Variants in PLXNB1 observed in about 807,000 individuals in gnomAD.
PLXNB1 encodes the protein plexin B1.
A neutral mutation model predicts 209.4 loss-of-function variants in PLXNB1; 106 were observed. The ratio of observed to expected loss-of-function variants is 0.51; its 90% CI spans 0.43 to 0.59. PLXNB1 has a LOEUF of 0.59. PLXNB1 is among the 20% of genes least tolerant of loss of function. The pLI is 0.00. For synonymous variants in PLXNB1, 1,167 were observed against 1,183.2 expected (o/e 0.99, Z 0.28); for missense variants, 2,357 against 2,853.2 (o/e 0.83, Z 3.96).
At position 48,405,847 on chromosome 3, in the gene PLXNB1, G is replaced by T; in HGVS notation, c.6229-49C>A. The stretch of plus-strand genomic sequence containing the variant: ...GTGAGAGAGACGAGGGGTGCAGAGA[G>T]CCACAGGAGGCAGCCCAGGACCCCA... On this transcript the variant is annotated intron_variant, in intron 36 of 37. Coordinates refer to ENST00000296440, the MANE Select transcript of PLXNB1 (RefSeq NM_001130082.3). This position sits in a 1 kb window ranked among gnomAD's most constrained non-coding sequence, Gnocchi z 5.0. 6.7e-7 allele frequency: 1 copy of T among 1,488,540 alleles called. No homozygotes were observed. 92.2% of individuals were successfully genotyped at this position (1,488,540 alleles called of 1,614,324 possible).
At position 48,423,766 on chromosome 3, in the gene PLXNB1, G is replaced by A. The variant is rs181124903; in HGVS notation, c.846C>T (p.Ala282=). 7.4e-5 allele frequency: 120 copies of A among 1,613,956 alleles called. No individual in the cohort carries two copies. In the East Asian group the frequency reaches 2.3e-3, roughly 31 times the overall value. Residue 282 remains alanine, a synonymous_variant, in exon 3 of 38, where the codon GCC becomes GCT. Transcript: ENST00000296440. The stretch of plus-strand genomic sequence containing the variant: ...CCCCATGCGCCACCTCCCTGGACGT[G>A]GCCACAGCTGCAGCCTGGATCAGCC... ...RYGLIQAAAV[A]TSREVAHGEV...
chr3:48,409,844 C>A lies in PLXNB1; in HGVS notation c.5778+61G>T. On this transcript the variant is annotated intron_variant, in intron 32 of 37. Transcript: ENST00000296440. The surrounding 1 kb of genome is among the most constrained non-coding windows in gnomAD (Gnocchi z 5.8). ...CACGAGCCCCACACCACCCCCAAAT[C>A]CCACGAGTGGCCATGCTCCCTCTCA... 6.3e-7 allele frequency: 1 copy of A among 1,580,486 alleles called. No homozygotes were observed. The highest frequency in any genetic ancestry group is 1.1e-5 in the South Asian group (1 of 87,470).
At position 48,429,537 on chromosome 3, in the gene PLXNB1, G is replaced by T. The variant is rs2039080396; in HGVS notation, c.-60+471C>A. On this transcript the variant is annotated intron_variant, in intron 1 of 37. Transcript: ENST00000296440. The surrounding 1 kb of genome is among the most constrained non-coding windows in gnomAD (Gnocchi z 6.4). Reference sequence around the variant, plus strand: ...CGCCGCCCGGGCCAGGCCGGAAGCAGCCCGGAGAGCCGGGCGCGCGGCCCC... The same window carrying T: ...CGCCGCCCGGGCCAGGCCGGAAGCATCCCGGAGAGCCGGGCGCGCGGCCCC... The T allele has an allele frequency of 6.6e-6, 1 of 151,246 alleles. No individual in the cohort carries two copies. Among genetic ancestry groups the T allele is most frequent in the Non-Finnish European group, 1.5e-5 (1 of 67,762 alleles). 9.4% of individuals were successfully genotyped at this position (151,246 alleles called of 1,614,324 possible). A position where few individuals can be genotyped will look rare whatever the true frequency, so the allele number is the denominator to read the frequency against.
intron 1 of PLXNB1, among the ~76,000 whole-genome samples, chr3:48,427,456 C>G (rs2038953408): frequency 6.6e-6 from 1 of 152,196 alleles, no homozygotes; most frequent in Non-Finnish European, 1.5e-5. Flanking sequence ...ATCTCTGCCA[C>G]AGGCCACTGA....
In PLXNB1 at chr3:48,422,752, C is replaced by T; in HGVS notation, c.1290+13G>A. 6.2e-7 allele frequency: 1 copy of T among 1,611,198 alleles called. No homozygotes were observed. On this transcript the variant is annotated intron_variant, in intron 4 of 37. Transcript: ENST00000296440. ...GACTCTGGGGCAGGGGCCAGTACTT[C>T]CTGTGGGCTCACCCTGTGCAGCTGC...
rs891408527 is a variant in PLXNB1 at position 48,405,467 on chromosome 3, C to A, written c.6303+257G>T. The stretch of plus-strand genomic sequence containing the variant: ...CTCCAGGCCCTGGTAGACCCCTTGG[C>A]CCCCACAACCACCAGCACTGTGCCT... On this transcript the variant is annotated intron_variant, in intron 37 of 37. Coordinates refer to ENST00000296440, the MANE Select transcript of PLXNB1 (RefSeq NM_001130082.3). This position sits in a 1 kb window ranked among gnomAD's most constrained non-coding sequence, Gnocchi z 5.0. 2.9e-4 allele frequency among the ~76,000 whole-genome samples: 44 copies of A among 152,190 alleles called. No individual in the cohort carries two copies. The highest frequency in any genetic ancestry group is 1.1e-3 in the African/African-American group (44 of 41,438).
intron 27 of PLXNB1, 89 bp from the exon 28 acceptor site, chr3:48,412,098 G>A: frequency 1.3e-6 from 2 of 1,513,020 alleles, no homozygotes; most frequent in Non-Finnish European, 1.8e-6. Flanking sequence ...CAGGACATGG[G>A]CTTAAGGGGA....
Position 48,415,376 on chromosome 3 carries a change from T to C in PLXNB1, c.3795-29A>G. On this transcript the variant is annotated intron_variant, in intron 19 of 37. Transcript: ENST00000296440. This position sits in a 1 kb window ranked among gnomAD's most constrained non-coding sequence, Gnocchi z 5.0. ...AAACAGACCGTGAGCTTACGTAACG[T>C]AAGATGGCTTATGTTACCTGGACCT... 2 of 1,604,016 alleles carry C rather than the reference T, an allele frequency of 1.2e-6. No homozygotes were observed. The highest frequency in any genetic ancestry group is 1.7e-6 in the Non-Finnish European group (2 of 1,173,342).
Position 48,420,649 on chromosome 3 carries a change from C to T in PLXNB1, c.2028+16G>A, listed in dbSNP as rs2038449564. The stretch of plus-strand genomic sequence containing the variant: ...CCCAACCCCCCCGGTATGGCCCAGC[C>T]CAAAGTCACACTCACCTGATGGCTT... On this transcript the variant is annotated intron_variant, in intron 10 of 37. Transcript: ENST00000296440. The T allele has an allele frequency of 1.9e-6, 3 of 1,607,168 alleles. No individual in the cohort carries two copies. Among genetic ancestry groups the T allele is most frequent in the Non-Finnish European group, 2.6e-6 (3 of 1,174,338 alleles).
In PLXNB1 at chr3:48,415,793, C is replaced by G; in HGVS notation, c.3618-34G>C. 6.6e-7 allele frequency: 1 copy of G among 1,525,420 alleles called. No individual in the cohort carries two copies. The highest frequency in any genetic ancestry group is 8.9e-7 in the Non-Finnish European group (1 of 1,129,598). 94.5% of individuals were successfully genotyped at this position (1,525,420 alleles called of 1,614,324 possible). Reference sequence around the variant, plus strand: ...GGAGGTGGGAATGAATGCAGGGGCGCAGGCAGGGAAAACTTGGACCACTCA... The same window carrying G: ...GGAGGTGGGAATGAATGCAGGGGCGGAGGCAGGGAAAACTTGGACCACTCA... On this transcript the variant is annotated intron_variant, in intron 18 of 37. Coordinates refer to ENST00000296440, the MANE Select transcript of PLXNB1 (RefSeq NM_001130082.3). This position sits in a 1 kb window ranked among gnomAD's most constrained non-coding sequence, Gnocchi z 5.0.
chr3:48,423,976 G>C lies in PLXNB1; in HGVS notation c.636C>G (p.Ser212=). ...ETAKLAVGRL[S]EYSHHFVSAF... is the part of the protein sequence containing the mutation. ...CACTCACGAAGTGGTGGCTGTACTC[G>C]GAGAGGCGGCCCACTGCCAGCTTGG... Residue 212 remains serine (S), a synonymous_variant, in exon 3 of 38, where the codon TCC becomes TCG. Transcript: ENST00000296440. 4.3e-6 allele frequency: 7 copies of C among 1,613,714 alleles called. No homozygotes were observed. The highest frequency in any genetic ancestry group is 5.9e-6 in the Non-Finnish European group (7 of 1,179,902).
chr3:48,414,368 C>A (rs1048832375), intron 21 of PLXNB1, among the ~76,000 whole-genome samples: 6 of 152,200 alleles, frequency 3.9e-5, no homozygotes, highest in Non-Finnish European at 5.9e-5. Context: ...TGATGACTCA[C>A]CAGGGGGGTG....
rs980021094 is a variant in PLXNB1 at position 48,419,749 on chromosome 3, C to A, written c.2537G>T (p.Gly846Val). ...CTCGTCCGCCTCGGGCAGCTCGCCG[C>A]CTTCTCTCGTGAGCCAGTCCAGGGC... ...KPALDWLTRE[G>V]GELPEADEWT... is the part of the protein sequence containing the mutation. The change falls in exon 11 of 38, where the codon GGC becomes GTC. Residue 846 changes from glycine to valine, a missense_variant. Gly to Val is a moderately radical substitution (Grantham distance 109). Coordinates refer to ENST00000296440, the MANE Select transcript of PLXNB1 (RefSeq NM_001130082.3). This position sits in a 1 kb window ranked among gnomAD's most constrained non-coding sequence, Gnocchi z 5.7. 6.2e-7 allele frequency: 1 copy of A among 1,609,828 alleles called. No individual in the cohort carries two copies. The highest frequency in any genetic ancestry group is 8.5e-7 in the Non-Finnish European group (1 of 1,178,836).
chr3:48,428,271 T>C (rs1037313391), intron 1 of PLXNB1, among the ~76,000 whole-genome samples: 1 of 152,164 alleles, frequency 6.6e-6, no homozygotes, highest in Non-Finnish European at 1.5e-5. Context: ...AAGGCTGATC[T>C]AGAACCAGAC....
In PLXNB1 at chr3:48,420,693, T is replaced by C; in HGVS notation, c.2000A>G (p.Asp667Gly). The C allele has an allele frequency of 6.2e-7, 1 of 1,613,870 alleles. No individual in the cohort carries two copies. The highest frequency in any genetic ancestry group is 8.5e-7 in the Non-Finnish European group (1 of 1,179,952). The change falls in exon 10 of 38, where the codon GAT becomes GGT. Residue 667 changes from aspartate to glycine, a missense_variant. Asp to Gly is a moderately conservative substitution (Grantham distance 94). This residue lies in a region of PLXNB1 where 214 missense variants were observed against 297.1 expected (regional missense o/e 0.72). Transcript: ENST00000296440. Reference sequence around the variant, plus strand: ...ATGGCTTGCAACCATGGGCCCAGCATCACACGAGGCCTTGTGGGTGCACAG... The same window carrying C: ...ATGGCTTGCAACCATGGGCCCAGCACCACACGAGGCCTTGTGGGTGCACAG... ...QHLCTHKASC[D>G]AGPMVASHQS...
chr3:48,409,269 T>G lies in PLXNB1; in HGVS notation c.6087+60A>C. 3 of 1,582,764 alleles carry G rather than the reference T, an allele frequency of 1.9e-6. No individual in the cohort carries two copies. The highest frequency in any genetic ancestry group is 1.1e-5 in the South Asian group (1 of 88,408). On this transcript the variant is annotated intron_variant, in intron 34 of 37. Transcript: ENST00000296440. This position sits in a 1 kb window ranked among gnomAD's most constrained non-coding sequence, Gnocchi z 5.8. ...TTCTCAGAAAAGCCTGGAATCTGAG[T>G]GCACACACAGCACTGTCCACCCTCA...
chr3:48,417,555 G>A lies in PLXNB1; in HGVS notation c.3374+356C>T, dbSNP rs1312558365. On this transcript the variant is annotated intron_variant, in intron 16 of 37. Transcript: ENST00000296440. The surrounding 1 kb of genome is among the most constrained non-coding windows in gnomAD (Gnocchi z 4.4). The stretch of plus-strand genomic sequence containing the variant: ...AATGCCTGGGGAAGAGTGAGCTGGT[G>A]AGAAGGCCAGCCCCTGAGCTTATCT... Among the ~76,000 whole-genome samples, 1 of 152,184 alleles carries A rather than the reference G, an allele frequency of 6.6e-6. No individual in the cohort carries two copies. The highest frequency in any genetic ancestry group is 6.5e-5 in the Admixed American group (1 of 15,278).
intron 6 of PLXNB1, 132 bp from the exon 7 acceptor site, chr3:48,421,938 C>G (rs2038556695): frequency 7.0e-7 from 1 of 1,419,194 alleles, no homozygotes; most frequent in Admixed American, 2.2e-5. Context: ...TGTGTCTGCC[C>G]TGGCAGGGCA....
Position 48,405,898 on chromosome 3 carries a change from CT to C in PLXNB1, c.6229-101del. 1 of 901,458 alleles carries C rather than the reference CT, an allele frequency of 1.1e-6. No individual in the cohort carries two copies. Among genetic ancestry groups the C allele is most frequent in the Non-Finnish European group, 1.8e-6 (1 of 559,592 alleles). The allele number at this position is 901,458 out of a possible 1,614,324, so 55.8% of individuals were successfully genotyped here. On this transcript the variant is annotated intron_variant, in intron 36 of 37. Coordinates refer to ENST00000296440, the MANE Select transcript of PLXNB1 (RefSeq NM_001130082.3). The surrounding 1 kb of genome is among the most constrained non-coding windows in gnomAD (Gnocchi z 5.0). ...GGGAAGGGCTGGGGGAGAAGGGGAC[CT>C]GAGAGGTAGAGAATGGGATGGGCAC...
Sources: allele counts gnomAD v4.1 joint callset (sites outside exome capture counted in the v4.1 genomes callset), GRCh38; gene constraint gnomAD v4.1.1; regional missense constraint gnomAD v4.1.1; non-coding constraint Gnocchi (gnomAD v3.1); transcripts MANE v1.5; gene names NCBI Gene and HGNC (gene_info 2026-07-23, HGNC 2026-07-21).